CTTNBP2: variants seen among roughly 807,000 people sequenced by gnomAD.
CTTNBP2 encodes the protein cortactin-binding protein 2.
CTTNBP2 carries 108 observed loss-of-function variants against 156.9 expected under a neutral mutation model. The observed-to-expected ratio is 0.69, with a 90% CI of 0.59 to 0.81. CTTNBP2 has a LOEUF of 0.81. CTTNBP2 is among the 30% of genes least tolerant of loss of function. The pLI is 0.00. For synonymous variants in CTTNBP2, 767 were observed against 751.8 expected, an observed-to-expected ratio of 1.02 and a Z score of -0.33; for missense variants, 1,924 against 2,035.4, an observed-to-expected ratio of 0.95 and a Z score of 1.05.
intron 2 of CTTNBP2, among the ~76,000 whole-genome samples, chr7:117,841,435 T>C (rs1779989988): frequency 6.6e-6 from 1 of 152,100 alleles, no homozygotes; most frequent in African/African-American, 2.4e-5. Flanking sequence ...TTCCCTTTCA[T>C]CTCCATCCTT....
chr7:117,831,303 C>G (rs909136851), intron 2 of CTTNBP2, among the ~76,000 whole-genome samples: 1 of 152,116 alleles, frequency 6.6e-6, no homozygotes, highest in Non-Finnish European at 1.5e-5. Context: ...AGCATTTCCC[C>G]CAACTTATCT....
intron 20 of CTTNBP2, 91 bp downstream of exon 20, chr7:117,720,976 T>C (rs1025378521): frequency 2.5e-6 from 2 of 813,598 alleles, no homozygotes; most frequent in African/African-American, 1.9e-5. Flanking sequence ...TAATAGTCAT[T>C]CAAATGAGAA....
chr7:117,868,080 A>C (rs1804331433), intron 1 of CTTNBP2, among the ~76,000 whole-genome samples: 1 of 152,194 alleles, frequency 6.6e-6, no homozygotes, highest in African/African-American at 2.4e-5. Flanking sequence ...AGGGAAAAAA[A>C]GGACTACATC....
intron 14 of CTTNBP2, among the ~76,000 whole-genome samples, chr7:117,744,627 G>A (rs557793749): frequency 1.3e-5 from 2 of 152,270 alleles, no homozygotes; most frequent in Admixed American, 1.3e-4. Context: ...GCTCACGCTT[G>A]TAATCCCAGC....
Position 117,725,084 on chromosome 7 carries a change from G to A in CTTNBP2, c.4229C>T (p.Ala1410Val). The stretch of plus-strand genomic sequence containing the variant: ...GGGGAGGGGACAGCCATGCAGTACA[G>A]CTTTATTTAGCAAGATGCTGAGAGC... The part of the protein sequence containing the change: ...KAALSILLNK[A>V]VLHGCPLPRA... The change falls in exon 18 of 23, where the codon GCT (alanine) becomes GTT (valine). Residue 1410 changes from alanine to valine, a missense_variant. By Grantham distance (64) the Ala-to-Val change is moderately conservative. Transcript: ENST00000160373. 6.2e-7 allele frequency: 1 copy of A among 1,612,760 alleles called. No individual in the cohort carries two copies. Among genetic ancestry groups the A allele is most frequent in the Non-Finnish European group, 8.5e-7 (1 of 1,180,026 alleles).
chr7:117,778,703 A>T (rs1037837538), intron 7 of CTTNBP2, among the ~76,000 whole-genome samples: 4 of 152,326 alleles, frequency 2.6e-5, no homozygotes, highest in Non-Finnish European at 4.4e-5. Context: ...TTCTATCTAC[A>T]GTCTCTTCAT....
At chr7:117,816,087 G>C (rs1008637209) in intron 2 of CTTNBP2, among the ~76,000 whole-genome samples, 2 of 152,162 alleles carry the variant, frequency 1.3e-5, no homozygotes, top group Admixed American at 6.5e-5. Flanking sequence ...TTCCCAGGGG[G>C]GCAATCTTCC....
chr7:117,869,421 GA>G (rs1238886320), intron 1 of CTTNBP2, among the ~76,000 whole-genome samples: 2 of 152,054 alleles, frequency 1.3e-5, no homozygotes, highest in Non-Finnish European at 2.9e-5. Context: ...AATATTTGTG[GA>G]ACACTTACCA....
intron 2 of CTTNBP2, among the ~76,000 whole-genome samples, chr7:117,829,965 T>C (rs1435457947): frequency 6.6e-6 from 1 of 152,170 alleles, no homozygotes; most frequent in Non-Finnish European, 1.5e-5. Flanking sequence ...TGCAGCTGTG[T>C]TTGAGAAAGA....
chr7:117,744,591 T>G (rs1288364995), intron 14 of CTTNBP2, among the ~76,000 whole-genome samples: 1 of 152,170 alleles, frequency 6.6e-6, no homozygotes, highest in African/African-American at 2.4e-5. Context: ...ATCTGTTGAC[T>G]TAGAAAGTGC....
intron 12 of CTTNBP2, among the ~76,000 whole-genome samples, chr7:117,754,419 G>T (rs1796778601): frequency 6.6e-6 from 1 of 152,118 alleles, no homozygotes; most frequent in Non-Finnish European, 1.5e-5. Flanking sequence ...ACCACTAGAA[G>T]GTAAACTGTA....
chr7:117,827,453 A>G (rs1801352032), intron 2 of CTTNBP2, among the ~76,000 whole-genome samples: 1 of 152,194 alleles, frequency 6.6e-6, no homozygotes, highest in Non-Finnish European at 1.5e-5. Context: ...TTTGTGTTTA[A>G]TCGTCTAGGA....
At chr7:117,763,182 A>G (rs1255641029) in intron 9 of CTTNBP2, among the ~76,000 whole-genome samples, 2 of 152,218 alleles carry the variant, frequency 1.3e-5, no homozygotes, top group African/African-American at 2.4e-5. Context: ...AAGCTTCAGG[A>G]TGAGAACAAT....
At chr7:117,817,375 T>TATATATATATATATATAC (rs1563037855) in intron 2 of CTTNBP2, among the ~76,000 whole-genome samples, 2 of 116,166 alleles carry the variant, frequency 1.7e-5, no homozygotes, top group African/African-American at 6.0e-5. Flanking sequence ...TATATATATA[T>TATATATATATATATATAC]ATATATATAT....
At chr7:117,806,146 T>G (rs1799927356) in intron 3 of CTTNBP2, among the ~76,000 whole-genome samples, 1 of 152,100 alleles carries the variant, frequency 6.6e-6, no homozygotes, top group South Asian at 2.1e-4. Context: ...CAAAAAGCAG[T>G]GGATTGTGTG....
At chr7:117,758,007 C>T in intron 10 of CTTNBP2, 37 bp from the exon 11 acceptor site, 2 of 1,502,522 alleles carry the variant, frequency 1.3e-6, no homozygotes, top group Non-Finnish European at 1.8e-6. Context: ...TCAAGGGAAG[C>T]TTATGAGTGG....
At chr7:117,845,881 C>A (rs1049619347) in intron 2 of CTTNBP2, among the ~76,000 whole-genome samples, 2 of 151,382 alleles carry the variant, frequency 1.3e-5, no homozygotes, top group Non-Finnish European at 2.9e-5. Context: ...GATGGAGTCT[C>A]GCTTTGTCGC....
chr7:117,776,069 C>T (rs1406419447), intron 8 of CTTNBP2, among the ~76,000 whole-genome samples: 1 of 152,206 alleles, frequency 6.6e-6, no homozygotes, highest in Non-Finnish European at 1.5e-5. Flanking sequence ...TAGCTATCTC[C>T]TTCTGGATGA....
At chr7:117,740,018 G>A (rs1338549880) in intron 14 of CTTNBP2, among the ~76,000 whole-genome samples, 1 of 151,724 alleles carries the variant, frequency 6.6e-6, no homozygotes, top group Non-Finnish European at 1.5e-5. Flanking sequence ...GTATCATCTT[G>A]CTAACCCAAG....
Sources: gnomAD v4.1 joint callset for allele counts (sites outside exome capture counted in the v4.1 genomes callset) on GRCh38, gnomAD v4.1.1 for gene constraint, MANE v1.5 for transcripts, NCBI Gene and HGNC (gene_info 2026-07-23, HGNC 2026-07-21) for gene names.